PCDHA5: variants seen among roughly 807,000 people sequenced by gnomAD.
PCDHA5 encodes the protein protocadherin alpha 5.
PCDHA5 carries 43 observed loss-of-function variants against 61.6 expected under a neutral mutation model. That is an observed-to-expected ratio of 0.70 (90% CI 0.55 to 0.90). The LOEUF is 0.90. PCDHA5 is among the 40% of genes least tolerant of loss of function. PCDHA5 has a pLI of 0.00. For synonymous variants in PCDHA5, 627 were observed against 543.9 expected (o/e 1.15, Z -2.13); for missense variants, 1,298 against 1,222.7 (o/e 1.06, Z -0.92).
intron 1 of PCDHA5, among the ~76,000 whole-genome samples, chr5:140,895,742 G>T (rs2065139471): frequency 6.6e-6 from 1 of 152,110 alleles, no homozygotes; most frequent in South Asian, 2.1e-4. Context: ...GGGCTGCAAA[G>T]GGCATGATCT....
rs576414745 is a variant in PCDHA5, at chr5:140,895,584, G to T, written c.2352+71457G>T. Among the ~76,000 whole-genome samples the T allele has an allele frequency of 9.2e-5, 14 of 152,210 alleles. No individual in the cohort carries two copies. In the South Asian group the frequency reaches 2.7e-3, roughly 29 times the overall value. The stretch of plus-strand genomic sequence containing the variant: ...TATTCTAGATGCAATTACTTTATTA[G>T]ATATATAATTTGCAAAGATTTTCTC... On this transcript the variant is annotated intron_variant, in intron 1 of 3. Coordinates refer to ENST00000529859, the MANE Select transcript of PCDHA5 (RefSeq NM_018908.3).
At chr5:140,967,754 T>G (rs782221420) in intron 1 of PCDHA5, 16 of 1,614,164 alleles carry the variant, frequency 9.9e-6, no homozygotes, top group South Asian at 7.7e-5. Flanking sequence ...GGAAGCCTCC[T>G]CCTACCAGAT....
intron 1 of PCDHA5, among the ~76,000 whole-genome samples, chr5:140,926,157 C>T (rs1264983904): frequency 4.0e-5 from 6 of 151,736 alleles, no homozygotes; most frequent in Non-Finnish European, 8.8e-5. Flanking sequence ...GAAAGCTCTG[C>T]AGCAGGATCC....
chr5:140,822,912 T>G lies in PCDHA5; in HGVS notation c.1137T>G (p.Gly379=). 2 of 1,614,222 alleles carry G rather than the reference T, an allele frequency of 1.2e-6. No individual in the cohort carries two copies. The highest frequency in any genetic ancestry group is 1.7e-6 in the Non-Finnish European group (2 of 1,180,036). The change falls in exon 1 of 4, where the codon GGT becomes GGG. Residue 379 remains glycine, a synonymous_variant. Transcript: ENST00000529859. The part of the protein sequence containing the change: ...ALISVSDRDS[G]ANGQVTCSLM... ...TCAGCGTGTCTGACCGTGACTCAGG[T>G]GCCAACGGGCAGGTGACCTGCTCCC...
At chr5:140,877,467 G>C (rs1554169776) in intron 1 of PCDHA5, 3 of 1,613,752 alleles carry the variant, frequency 1.9e-6, no homozygotes, top group African/African-American at 2.7e-5. Flanking sequence ...CGGCCACGGT[G>C]CTGGTGTCGC....
chr5:140,978,217 A>G (rs1554239114), intron 1 of PCDHA5, among the ~76,000 whole-genome samples: 2 of 152,222 alleles, frequency 1.3e-5, no homozygotes, highest in East Asian at 1.9e-4. Flanking sequence ...TGCAAAATGT[A>G]TCAGGTTTTT....
At chr5:140,969,297 T>C in intron 1 of PCDHA5, 2 of 1,614,200 alleles carry the variant, frequency 1.2e-6, no homozygotes, top group Non-Finnish European at 1.7e-6. Context: ...GGGAACCTGA[T>C]TATTCTCAAA....
intron 1 of PCDHA5, among the ~76,000 whole-genome samples, chr5:140,890,478 G>A (rs1358799219): frequency 1.3e-5 from 2 of 151,984 alleles, no homozygotes; most frequent in Non-Finnish European, 2.9e-5. Flanking sequence ...TTTTTTGTGC[G>A]TTATTTTTGT....
intron 1 of PCDHA5, chr5:140,830,229 T>A (rs2150183105): frequency 2.0e-5 from 32 of 1,613,786 alleles, no homozygotes; most frequent in African/African-American, 2.7e-5. Flanking sequence ...CTGCTGGTCC[T>A]CACGCTACTG....
intron 1 of PCDHA5, among the ~76,000 whole-genome samples, chr5:140,957,228 T>C (rs1189952927): frequency 6.6e-6 from 1 of 152,148 alleles, no homozygotes; most frequent in Non-Finnish European, 1.5e-5. Flanking sequence ...TGGCGAAGCA[T>C]TTTGGCATGT....
At chr5:140,842,147 GC>G (rs2150330571) in intron 1 of PCDHA5, 1 of 1,613,842 alleles carries the variant, frequency 6.2e-7, no homozygotes, top group East Asian at 2.2e-5. Flanking sequence ...AGCCAATGGG[GC>G]AATTTCATAT....
intron 1 of PCDHA5, chr5:140,877,670 C>T: frequency 6.8e-6 from 11 of 1,613,654 alleles, no homozygotes; most frequent in Non-Finnish European, 7.6e-6. Flanking sequence ...AGCCGGTGCG[C>T]GCCGGGCAAG....
intron 1 of PCDHA5, among the ~76,000 whole-genome samples, chr5:140,942,273 G>C (rs1360564646): frequency 6.6e-6 from 1 of 152,132 alleles, no homozygotes; most frequent in South Asian, 2.1e-4. Context: ...AGCTGGTAAT[G>C]GTGGCTCATG....
Position 140,823,972 on chromosome 5 carries a change from C to T in PCDHA5, c.2197C>T (p.Arg733Trp), listed in dbSNP as rs140039635. Residue 733 changes from arginine to tryptophan, a missense_variant, in exon 1 of 4, where the codon CGG becomes TGG. By Grantham distance (101) the Arg-to-Trp change is moderately radical. Coordinates refer to ENST00000529859, the MANE Select transcript of PCDHA5 (RefSeq NM_018908.3). ...GCAGCCCACCGAGGCCGTGTGCACA[C>T]GGGGCAAGCCCACTCTGTTGTGCTC... ...SAQPTEAVCT[R>W]GKPTLLCSSA... is the part of the protein sequence containing the mutation. 56 of 1,613,990 alleles carry T rather than the reference C, an allele frequency of 3.5e-5. No individual in the cohort carries two copies. Among genetic ancestry groups the T allele is most frequent in the Non-Finnish European group, 4.2e-5 (50 of 1,180,016 alleles).
At chr5:140,877,813 GAA>G in intron 1 of PCDHA5, 1 of 1,610,266 alleles carries the variant, frequency 6.2e-7, no homozygotes, top group Non-Finnish European at 8.5e-7. Flanking sequence ...GCTGTCTCGA[GAA>G]GATTGTTTAA....
intron 1 of PCDHA5, among the ~76,000 whole-genome samples, chr5:140,891,366 T>C (rs1261887556): frequency 6.6e-6 from 1 of 152,168 alleles, no homozygotes; most frequent in Non-Finnish European, 1.5e-5. Flanking sequence ...CTGAGCAGTA[T>C]ACATTGCACC....
intron 1 of PCDHA5, among the ~76,000 whole-genome samples, chr5:140,940,102 T>C (rs1372400488): frequency 2.0e-5 from 3 of 152,228 alleles, no homozygotes; most frequent in African/African-American, 7.2e-5. Context: ...ACTTTTAGCG[T>C]TATGTATTAT....
intron 1 of PCDHA5, among the ~76,000 whole-genome samples, chr5:140,955,323 G>A (rs1213005534): frequency 6.6e-6 from 1 of 152,098 alleles, no homozygotes; most frequent in East Asian, 1.9e-4. Flanking sequence ...ACCTTGAATT[G>A]TAGTTCCCAT....
At chr5:140,976,148 C>T (rs1563445972) in intron 1 of PCDHA5, among the ~76,000 whole-genome samples, 1 of 152,160 alleles carries the variant, frequency 6.6e-6, no homozygotes, top group Non-Finnish European at 1.5e-5. Flanking sequence ...AACTCATGTA[C>T]ATTTTACTAC....
Sources: allele counts gnomAD v4.1 joint callset (sites outside exome capture counted in the v4.1 genomes callset), GRCh38; gene constraint gnomAD v4.1.1; transcripts MANE v1.5; gene names NCBI Gene and HGNC (gene_info 2026-07-23, HGNC 2026-07-21).